VAMP4: variants seen among roughly 807,000 people sequenced by gnomAD.
VAMP4 encodes vesicle associated membrane protein 4, also known as vesicle-associated membrane protein 4.
VAMP4 carries 19 observed loss-of-function variants against 23.5 expected under a neutral mutation model. The observed-to-expected ratio is 0.81, with a 90% CI of 0.56 to 1.19. The LOEUF is 1.19. Among genes scored for constraint, VAMP4 ranks in the 50% most tolerant of loss-of-function variants. The pLI is 0.00. For synonymous variants in VAMP4, 31 were observed against 51.0 expected (o/e 0.61, Z 1.67); for missense variants, 145 against 168.6 (o/e 0.86, Z 0.78).
chr1:171,719,250 T>A (rs199934218), intron 3 of VAMP4, 29 bp from the exon 4 acceptor site: 16 of 1,584,622 alleles, frequency 1.0e-5, no homozygotes, highest in African/African-American at 1.4e-5. Context: ...CAAGTACATA[T>A]TAGTAGTGAC....
intron 6 of VAMP4, 68 bp downstream of exon 6, chr1:171,709,597 T>C (rs1403235874): frequency 1.3e-5 from 19 of 1,495,776 alleles, no homozygotes; most frequent in Non-Finnish European, 1.8e-5. Context: ...GAGGCCCTTT[T>C]TTCTTCATGT....
intron 3 of VAMP4, among the ~76,000 whole-genome samples, chr1:171,719,694 T>C (rs542835276): frequency 1.3e-5 from 2 of 152,180 alleles, no homozygotes; most frequent in Admixed American, 6.5e-5. Flanking sequence ...GAAAAATTCA[T>C]TGAAGACACT....
At position 171,710,745 on chromosome 1, in the gene VAMP4, C is replaced by T. The variant is rs950958938; in HGVS notation, c.234G>A (p.Gly78=). Residue 78 remains glycine (G), a synonymous_variant, in exon 5 of 8, where the codon GGG becomes GGA. Transcript: ENST00000236192. Reference sequence around the variant, plus strand: ...TGTCCTGTAGTTCATCTAGTCTCTCCCCTCTCTCAATTACCTTTGTAATAT... The same window carrying T: ...TGTCCTGTAGTTCATCTAGTCTCTCTCCTCTCTCAATTACCTTTGTAATAT... ...QENITKVIER[G]ERLDELQDKS... 1.2e-6 allele frequency: 2 copies of T among 1,608,938 alleles called. No individual in the cohort carries two copies. The highest frequency in any genetic ancestry group is 1.7e-6 in the Non-Finnish European group (2 of 1,177,586).
intron 4 of VAMP4, among the ~76,000 whole-genome samples, chr1:171,715,246 G>A (rs763226): frequency 0.015 from 2,209 of 152,228 alleles, 50 homozygotes; most frequent in African/African-American, 0.051. Context: ...AAGGAAGGGT[G>A]GAGATTTTTA....
intron 2 of VAMP4, 114 bp from the exon 3 acceptor site, chr1:171,728,684 A>G: frequency 1.0e-6 from 1 of 988,328 alleles, no homozygotes; most frequent in Non-Finnish European, 1.4e-6. Flanking sequence ...CCAGGTGTCC[A>G]TAAAGAGGGA....
intron 3 of VAMP4, among the ~76,000 whole-genome samples, chr1:171,723,589 C>T (rs895871389): frequency 2.0e-5 from 3 of 152,176 alleles, no homozygotes; most frequent in Non-Finnish European, 2.9e-5. Flanking sequence ...TGGTTATCTC[C>T]CTTGTTCCCT....
At chr1:171,711,856 A>C (rs1654858019) in intron 4 of VAMP4, among the ~76,000 whole-genome samples, 1 of 152,182 alleles carries the variant, frequency 6.6e-6, no homozygotes. Context: ...GCACTTTTAC[A>C]ACACTGGTCC....
At chr1:171,728,122 C>T (rs1194752643) in intron 3 of VAMP4, among the ~76,000 whole-genome samples, 1 of 152,150 alleles carries the variant, frequency 6.6e-6, no homozygotes, top group Non-Finnish European at 1.5e-5. Flanking sequence ...ATAAACAATT[C>T]ATAAGTTTTA....
chr1:171,703,029 A>G lies in VAMP4; in HGVS notation c.*1477T>C, dbSNP rs1654501733. The G allele has an allele frequency of 6.6e-6, 1 of 151,946 alleles. No individual in the cohort carries two copies. Among genetic ancestry groups the G allele is most frequent in the Admixed American group, 6.6e-5 (1 of 15,234 alleles). 9.4% of individuals were successfully genotyped at this position (151,946 alleles called of 1,614,324 possible). A position where few individuals can be genotyped will look rare whatever the true frequency, so the allele number is the denominator to read the frequency against. ...CAAAAAAACACCAAACCCAGATTCT[A>G]TGCTTTATTCATTTTGCATTAAGAT... On this transcript the variant is annotated 3_prime_UTR_variant, in exon 8 of 8. Coordinates refer to ENST00000236192, the MANE Select transcript of VAMP4 (RefSeq NM_003762.5).
At chr1:171,717,720 G>A (rs905457680) in intron 4 of VAMP4, among the ~76,000 whole-genome samples, 1 of 151,874 alleles carries the variant, frequency 6.6e-6, no homozygotes, top group Non-Finnish European at 1.5e-5. Flanking sequence ...CAAAGTGCTG[G>A]GATTACAGGC....
In VAMP4 at chr1:171,720,106, G is replaced by C. The variant is rs1021448035; in HGVS notation, c.114-885C>G. On this transcript the variant is annotated intron_variant, in intron 3 of 7. Coordinates refer to ENST00000236192, the MANE Select transcript of VAMP4 (RefSeq NM_003762.5). The stretch of plus-strand genomic sequence containing the variant: ...TATCATCTTGCCTTAGTTCCTCTAA[G>C]CTTTTTCCTTAAAGTCTTTTAAGCT... Among the ~76,000 whole-genome samples the C allele has an allele frequency of 2.0e-5, 3 of 151,678 alleles. No individual in the cohort carries two copies. The East Asian group carries it at 5.8e-4, about 29-fold the overall frequency.
At chr1:171,712,103 A>C (rs538036423) in intron 4 of VAMP4, among the ~76,000 whole-genome samples, 1 of 152,274 alleles carries the variant, frequency 6.6e-6, no homozygotes, top group East Asian at 1.9e-4. Context: ...GAAACTGCTT[A>C]ATGATGCATT....
intron 7 of VAMP4, 41 bp from the exon 8 acceptor site, chr1:171,704,575 G>A: frequency 6.9e-7 from 1 of 1,439,238 alleles, no homozygotes; most frequent in Non-Finnish European, 9.5e-7. Context: ...ATCAACATCA[G>A]ATATATATGC....
At chr1:171,704,563 A>G (rs747993764) in intron 7 of VAMP4, 29 bp from the exon 8 acceptor site, 2 of 1,530,222 alleles carry the variant, frequency 1.3e-6, no homozygotes, top group Non-Finnish European at 1.8e-6. Context: ...AAAAAGCAAT[A>G]TATCAACATC....
At chr1:171,722,790 G>T (rs1451293316) in intron 3 of VAMP4, among the ~76,000 whole-genome samples, 1 of 152,100 alleles carries the variant, frequency 6.6e-6, no homozygotes, top group Non-Finnish European at 1.5e-5. Context: ...AAACAGGAAC[G>T]CTTTTACACT....
chr1:171,719,079 C>T (rs905509832), intron 4 of VAMP4, 92 bp downstream of exon 4: 1 of 1,092,470 alleles, frequency 9.2e-7, no homozygotes, highest in Non-Finnish European at 1.3e-6. Flanking sequence ...CAAAAACAGG[C>T]TGCAGCCAGA....
At chr1:171,734,103 A>G (rs1298549139) in intron 2 of VAMP4, among the ~76,000 whole-genome samples, 1 of 152,042 alleles carries the variant, frequency 6.6e-6, no homozygotes, top group Non-Finnish European at 1.5e-5. Context: ...CCCCATCTCT[A>G]CTAAAAATAC....
chr1:171,713,885 T>C (rs572156773), intron 4 of VAMP4, among the ~76,000 whole-genome samples: 6 of 152,270 alleles, frequency 3.9e-5, no homozygotes, highest in Admixed American at 2.0e-4. Flanking sequence ...GGCAGATTAA[T>C]TGGGACAGAA....
At chr1:171,735,332 C>T (rs547351294) in intron 2 of VAMP4, among the ~76,000 whole-genome samples, 201 of 152,324 alleles carry the variant, frequency 1.3e-3, no homozygotes, top group African/African-American at 4.7e-3. Context: ...ATAATATACT[C>T]TTGCATACTA....
Sources: allele counts gnomAD v4.1 joint callset (sites outside exome capture counted in the v4.1 genomes callset), GRCh38; gene constraint gnomAD v4.1.1; transcripts MANE v1.5; gene names NCBI Gene and HGNC (gene_info 2026-07-23, HGNC 2026-07-21).